Variants in RGS6 observed in about 807,000 individuals in gnomAD.
RGS6 encodes regulator of G-protein signaling 6.
RGS6 carries 30 observed loss-of-function variants against 78.5 expected under a neutral mutation model. The observed-to-expected ratio is 0.38, with a 90% CI of 0.29 to 0.52. The LOEUF (loss-of-function observed/expected upper bound fraction) is 0.52. RGS6 is among the 20% of genes least tolerant of loss of function. The pLI, the probability that RGS6 is intolerant of heterozygous loss-of-function variation, is 0.85. For synonymous variants in RGS6, 206 were observed against 206.0 expected (o/e 1.00, Z 0.00); for missense variants, 495 against 609.7 (o/e 0.81, Z 1.98).
chr14:72,296,730 T>C (rs2092286350), intron 2 of RGS6, among the ~76,000 whole-genome samples: 1 of 152,196 alleles, frequency 6.6e-6, no homozygotes, highest in Non-Finnish European at 1.5e-5. Flanking sequence ...TTTCTCCCAA[T>C]CTGTAGTTTG....
chr14:72,069,679 A>G (rs1299126439), intron 2 of RGS6, among the ~76,000 whole-genome samples: 1 of 152,050 alleles, frequency 6.6e-6, no homozygotes, highest in African/African-American at 2.4e-5. Context: ...AACTGGGACT[A>G]CAGGCACACA....
chr14:72,611,363 C>T, the RGS6 span, among the ~76,000 whole-genome samples: 8 of 152,190 alleles, frequency 5.3e-5, no homozygotes, highest in Non-Finnish European at 1.2e-4. Context: ...CTGACAAGCA[C>T]CTGGCCAAAG....
chr14:72,006,436 C>T (rs1306447625), intron 2 of RGS6, among the ~76,000 whole-genome samples: 10 of 152,148 alleles, frequency 6.6e-5, no homozygotes, highest in Non-Finnish European at 1.2e-4. Flanking sequence ...CAGAGGTTTC[C>T]GTGTTGGGCT....
intron 2 of RGS6, among the ~76,000 whole-genome samples, chr14:72,094,820 G>A (rs554669634): frequency 6.6e-6 from 1 of 152,300 alleles, no homozygotes; most frequent in East Asian, 1.9e-4. Flanking sequence ...AAATGCTAAA[G>A]CAAAGCTGAG....
intron 3 of RGS6, among the ~76,000 whole-genome samples, chr14:72,410,709 A>C (rs1275651682): frequency 1.3e-5 from 2 of 152,182 alleles, no homozygotes; most frequent in Non-Finnish European, 2.9e-5. Flanking sequence ...TAGGTCTAAC[A>C]TGTAAGTCTT....
At chr14:72,493,142 T>G (rs1253373776) in intron 12 of RGS6, among the ~76,000 whole-genome samples, 2 of 152,070 alleles carry the variant, frequency 1.3e-5, no homozygotes, top group African/African-American at 4.8e-5. Context: ...AGTACCTCAG[T>G]CTTAAGTACA....
the RGS6 span, among the ~76,000 whole-genome samples, chr14:72,625,611 A>G: frequency 6.6e-6 from 1 of 152,178 alleles, no homozygotes; most frequent in African/African-American, 2.4e-5. Context: ...CTGTGTTGTC[A>G]TTGCTTCTAG....
intron 2 of RGS6, among the ~76,000 whole-genome samples, chr14:72,180,320 T>C (rs1261421748): frequency 6.6e-6 from 1 of 152,248 alleles, no homozygotes; most frequent in South Asian, 2.1e-4. Flanking sequence ...AAGGCACCTC[T>C]CCAGATAGCA....
At chr14:72,191,973 C>T (rs193548) in intron 2 of RGS6, among the ~76,000 whole-genome samples, 20,240 of 152,046 alleles carry the variant, frequency 0.13, 1,583 homozygotes, top group East Asian at 0.28. Flanking sequence ...CAGGGTGGTG[C>T]GTGGGGGTCG....
At chr14:72,528,969 T>C (rs949608941) in intron 15 of RGS6, among the ~76,000 whole-genome samples, 10 of 152,216 alleles carry the variant, frequency 6.6e-5, no homozygotes, top group African/African-American at 2.4e-4. Flanking sequence ...ACTCATTGCA[T>C]TTGGGAAATG....
At chr14:72,252,031 ACT>A (rs1490362187) in intron 2 of RGS6, among the ~76,000 whole-genome samples, 2 of 152,200 alleles carry the variant, frequency 1.3e-5, no homozygotes, top group Admixed American at 6.5e-5. Flanking sequence ...TGGAGTGAAG[ACT>A]CTGAACTAAA....
chr14:72,418,511 G>C (rs187544969), intron 3 of RGS6, among the ~76,000 whole-genome samples: 4 of 152,228 alleles, frequency 2.6e-5, no homozygotes, highest in Admixed American at 2.6e-4. Flanking sequence ...ATTAAGAGGA[G>C]GTAGAAGGAA....
At chr14:72,560,776 C>T (rs1599194805) in intron 17 of RGS6, among the ~76,000 whole-genome samples, 1 of 148,424 alleles carries the variant, frequency 6.7e-6, no homozygotes, top group African/African-American at 2.5e-5. Context: ...GATAAGGTTG[C>T]TGATGGGGTG....
chr14:72,005,696 T>A (rs1461111620), intron 2 of RGS6, among the ~76,000 whole-genome samples: 3 of 152,198 alleles, frequency 2.0e-5, no homozygotes, highest in Admixed American at 6.5e-5. Flanking sequence ...TTCTTGCATC[T>A]ATTTCATTTG....
At chr14:72,109,467 A>G (rs561522612) in intron 2 of RGS6, among the ~76,000 whole-genome samples, 1 of 152,330 alleles carries the variant, frequency 6.6e-6, no homozygotes, top group African/African-American at 2.4e-5. Flanking sequence ...TTTAGAGTCT[A>G]TAACTTGAGA....
chr14:72,605,176 G>A, the RGS6 span, among the ~76,000 whole-genome samples: 17 of 152,228 alleles, frequency 1.1e-4, no homozygotes, highest in African/African-American at 3.9e-4. Flanking sequence ...CTGTGGGCAC[G>A]TTTCTCTCTG....
At chr14:72,204,889 T>G (rs1361221619) in intron 2 of RGS6, among the ~76,000 whole-genome samples, 1 of 152,172 alleles carries the variant, frequency 6.6e-6, no homozygotes, top group East Asian at 1.9e-4. Flanking sequence ...CACCCCCAAG[T>G]TTCTACTCTT....
chr14:71,914,925 T>C, the RGS6 span, among the ~76,000 whole-genome samples: 9 of 151,992 alleles, frequency 5.9e-5, no homozygotes, highest in Non-Finnish European at 1.3e-4. Context: ...ATGAATGTGA[T>C]GAACAGATGT....
chr14:72,541,057 C>T (rs774674622), intron 17 of RGS6: 2 of 1,342,474 alleles, frequency 1.5e-6, no homozygotes, highest in Non-Finnish European at 2.0e-6. Context: ...CAATCCCGCT[C>T]AATCACGGGG....
Sources: allele counts gnomAD v4.1 joint callset (sites outside exome capture counted in the v4.1 genomes callset), GRCh38; gene constraint gnomAD v4.1.1; transcripts MANE v1.5; gene names NCBI Gene and HGNC (gene_info 2026-07-23, HGNC 2026-07-21).